The following DOCK5 variants were observed in gnomAD, a reference collection of about 807,000 sequenced individuals.
DOCK5 encodes dedicator of cytokinesis protein 5.
DOCK5 carries 142 observed loss-of-function variants against 251.8 expected under a neutral mutation model. That is an observed-to-expected ratio of 0.56 (90% CI 0.49 to 0.65). The LOEUF is 0.65. Among genes scored for constraint, DOCK5 ranks in the 30% least tolerant of loss-of-function variants. DOCK5 has a pLI of 0.00. For synonymous variants in DOCK5, 842 were observed against 835.5 expected (o/e 1.01, Z -0.13); for missense variants, 2,111 against 2,312.3 (o/e 0.91, Z 1.79).
chr8:25,294,629 A>G (rs1262379010), intron 6 of DOCK5, among the ~76,000 whole-genome samples: 2 of 152,138 alleles, frequency 1.3e-5, no homozygotes, highest in Non-Finnish European at 2.9e-5. Flanking sequence ...ACACACAGCC[A>G]GGTGTTTGCT....
At chr8:25,389,421 A>G (rs1354987414) in intron 41 of DOCK5, among the ~76,000 whole-genome samples, 189 bp downstream of exon 41, 1 of 152,204 alleles carries the variant, frequency 6.6e-6, no homozygotes, top group Admixed American at 6.5e-5. Flanking sequence ...GTGATGACAT[A>G]ACAAAAGAGG....
chr8:25,392,661 C>CT (rs1801281462), intron 43 of DOCK5, 135 bp from the exon 44 acceptor site: 1 of 772,196 alleles, frequency 1.3e-6, no homozygotes, highest in Non-Finnish European at 2.1e-6. Flanking sequence ...GGCTCAGTCT[C>CT]TACGAGGCAT....
intron 4 of DOCK5, chr8:25,277,575 T>G (rs1050062060): frequency 6.6e-6 from 1 of 152,118 alleles, no homozygotes; most frequent in Non-Finnish European, 1.5e-5. Context: ...TACAGCTCTT[T>G]GGTGGCAGAA....
At chr8:25,192,327 A>G (rs1031434283) in intron 1 of DOCK5, among the ~76,000 whole-genome samples, 2 of 152,160 alleles carry the variant, frequency 1.3e-5, no homozygotes, top group African/African-American at 2.4e-5. Flanking sequence ...CTAGTTCTAG[A>G]TACCTGAGGA....
chr8:25,379,510 G>C (rs1801026105), intron 38 of DOCK5, among the ~76,000 whole-genome samples: 1 of 152,100 alleles, frequency 6.6e-6, no homozygotes, highest in Admixed American at 6.5e-5. Context: ...AAAAATCGCT[G>C]TTATTCTGTT....
chr8:25,349,190 G>A (rs1272547351), intron 26 of DOCK5, among the ~76,000 whole-genome samples: 2 of 152,148 alleles, frequency 1.3e-5, no homozygotes, highest in Non-Finnish European at 2.9e-5. Context: ...CCATAATTGA[G>A]AAGTCAAAAA....
intron 5 of DOCK5, among the ~76,000 whole-genome samples, chr8:25,286,533 C>T (rs1043405366): frequency 6.6e-6 from 1 of 152,174 alleles, no homozygotes; most frequent in East Asian, 1.9e-4. Flanking sequence ...CTGTTTCCCC[C>T]TAAGTCATAA....
intron 2 of DOCK5, among the ~76,000 whole-genome samples, chr8:25,261,102 A>G (rs1251200682): frequency 2.0e-5 from 3 of 152,160 alleles, no homozygotes; most frequent in African/African-American, 7.2e-5. Context: ...CATGTTTTCT[A>G]AAGTAGCTCC....
chr8:25,343,333 AT>A (rs753390362), intron 25 of DOCK5, among the ~76,000 whole-genome samples: 2 of 152,148 alleles, frequency 1.3e-5, no homozygotes, highest in Non-Finnish European at 2.9e-5. Context: ...TTTTTTAAAA[AT>A]GTCATTAATA....
chr8:25,202,434 A>C (rs1367787666), intron 1 of DOCK5, among the ~76,000 whole-genome samples: 1 of 152,190 alleles, frequency 6.6e-6, no homozygotes, highest in African/African-American at 2.4e-5. Flanking sequence ...GAATCCTAAG[A>C]GGAATGGATG....
intron 10 of DOCK5, among the ~76,000 whole-genome samples, chr8:25,303,857 T>C (rs573402793): frequency 2.0e-5 from 3 of 152,242 alleles, no homozygotes; most frequent in South Asian, 4.1e-4. Context: ...TCCCAGCTAC[T>C]TGGGAGGCTG....
At chr8:25,365,698 T>A (rs7818475) in intron 30 of DOCK5, among the ~76,000 whole-genome samples, 22,816 of 152,178 alleles carry the variant, frequency 0.15, 1,801 homozygotes, top group South Asian at 0.25. Context: ...CAATTTTTCA[T>A]CTGCCACAGA....
In DOCK5 at chr8:25,392,865, G is replaced by A; in HGVS notation, c.4510G>A (p.Val1504Ile). Residue 1504 changes from valine to isoleucine, a missense_variant, in exon 44 of 52, where the codon GTC becomes ATC. By Grantham distance (29) the Val-to-Ile change is conservative (BLOSUM62 3). Transcript: ENST00000276440. Reference protein sequence around the residue: ...TFPGILKWFEVKQISTEEISP... With the variant: ...TFPGILKWFEIKQISTEEISP... ...TCCTGGGATTCTCAAGTGGTTTGAA[G>A]TCAAACAGATTTCAACAGTGAGTCA... The A allele has an allele frequency of 1.2e-6, 2 of 1,612,014 alleles. No individual in the cohort carries two copies. Among genetic ancestry groups the A allele is most frequent in the Non-Finnish European group, 1.7e-6 (2 of 1,179,028 alleles).
chr8:25,254,921 T>C (rs1263297375), intron 2 of DOCK5, among the ~76,000 whole-genome samples: 1 of 151,108 alleles, frequency 6.6e-6, no homozygotes, highest in Non-Finnish European at 1.5e-5. Flanking sequence ...CTAAGGAAGA[T>C]ATATATCCAT....
Position 25,411,443 on chromosome 8 carries a change from T to A in DOCK5, c.*145T>A. 1 of 1,164,356 alleles carries A rather than the reference T, an allele frequency of 8.6e-7. No homozygotes were observed. The highest frequency in any genetic ancestry group is 4.2e-5 in the Admixed American group (1 of 23,664). The allele number at this position is 1,164,356 out of a possible 1,614,324, so 72.1% of individuals were successfully genotyped here. On this transcript the variant is annotated 3_prime_UTR_variant, in exon 52 of 52. Transcript: ENST00000276440. ...ATGTTTACCAGCCCAAAACCAGTCATGTTCTTCCAAAAGCTTCTCTTTGAT... is the reference window on the plus strand; with the variant it reads ...ATGTTTACCAGCCCAAAACCAGTCAAGTTCTTCCAAAAGCTTCTCTTTGAT...
chr8:25,363,509 T>G (rs558243585), intron 29 of DOCK5, among the ~76,000 whole-genome samples: 8 of 152,366 alleles, frequency 5.3e-5, no homozygotes, highest in African/African-American at 1.9e-4. Context: ...TTAACCAGAT[T>G]CTTCTTATGA....
chr8:25,273,586 G>A (rs1422869640), intron 3 of DOCK5, among the ~76,000 whole-genome samples: 1 of 152,252 alleles, frequency 6.6e-6, no homozygotes, highest in Non-Finnish European at 1.5e-5. Context: ...CTGGGCAACA[G>A]AGCAAGACTC....
chr8:25,314,048 G>T (rs955009043), intron 13 of DOCK5, among the ~76,000 whole-genome samples: 3 of 149,458 alleles, frequency 2.0e-5, no homozygotes, highest in African/African-American at 7.4e-5. Context: ...CCAGGACCAA[G>T]ACCTCTTTAA....
intron 11 of DOCK5, among the ~76,000 whole-genome samples, chr8:25,307,739 T>C (rs916641680): frequency 6.6e-6 from 1 of 152,142 alleles, no homozygotes; most frequent in South Asian, 2.1e-4. Flanking sequence ...ATCCGTGCCT[T>C]GAGTCCCTGA....
Sources: allele counts gnomAD v4.1 joint callset (sites outside exome capture counted in the v4.1 genomes callset), GRCh38; gene constraint gnomAD v4.1.1; transcripts MANE v1.5; gene names NCBI Gene and HGNC (gene_info 2026-07-23, HGNC 2026-07-21).